The following ZNF518A variants were observed in gnomAD, a reference collection of about 807,000 sequenced individuals.
The protein encoded by ZNF518A is zinc finger protein 518A, also known as zinc finger protein 518.
A neutral mutation model predicts 102.7 loss-of-function variants in ZNF518A; 47 were observed. The observed-to-expected ratio is 0.46, with a 90% CI of 0.36 to 0.58. ZNF518A has a LOEUF of 0.58. ZNF518A is among the 20% of genes least tolerant of loss of function. The pLI, the probability that ZNF518A is intolerant of heterozygous loss-of-function variation, is 0.00. For synonymous variants in ZNF518A, 652 were observed against 594.6 expected, an observed-to-expected ratio of 1.10 and a Z score of -1.40; for missense variants, 1,793 against 1,699.8, an observed-to-expected ratio of 1.05 and a Z score of -0.96.
chr10:96,200,905 G>T lies in ZNF518A; in HGVS notation n.36-2669G>T, dbSNP rs2083614644. ...TCTGTTCTCAAGGTTCACTCCAAATGTCTTCTTCTCAGAAGACATGCTCTT... is the reference window on the plus strand; with the variant it reads ...TCTGTTCTCAAGGTTCACTCCAAATTTCTTCTTCTCAGAAGACATGCTCTT... On this transcript the variant is annotated intron_variant and non_coding_transcript_variant, in intron 1 of 2. Transcript: ENST00000442635. This position sits in a 1 kb window ranked among gnomAD's most constrained non-coding sequence, Gnocchi z 4.3. 4 of 1,305,710 alleles carry T rather than the reference G, an allele frequency of 3.1e-6. No homozygotes were observed. The highest frequency in any genetic ancestry group is 4.4e-6 in the Non-Finnish European group (4 of 899,386). 80.9% of individuals were successfully genotyped at this position (1,305,710 alleles called of 1,614,324 possible).
chr10:96,194,409 G>A (rs982842716), intron 1 of ZNF518A, among the ~76,000 whole-genome samples: 1 of 152,184 alleles, frequency 6.6e-6, no homozygotes, highest in Non-Finnish European at 1.5e-5. Context: ...AGAAGAAAAT[G>A]TAGGGGGGAA....
chr10:96,173,764 T>C (rs1334080813), intron 1 of ZNF518A, among the ~76,000 whole-genome samples: 2 of 152,088 alleles, frequency 1.3e-5, no homozygotes, highest in Non-Finnish European at 2.9e-5. Context: ...TGAACAGCAC[T>C]ACAAACTAGA....
At chr10:96,185,908 C>T (rs1438428438) in intron 1 of ZNF518A, among the ~76,000 whole-genome samples, 2 of 152,242 alleles carry the variant, frequency 1.3e-5, no homozygotes, top group African/African-American at 4.8e-5. Flanking sequence ...CTTCATTTAC[C>T]TATTCAAGCC....
intron 3 of ZNF518A, among the ~76,000 whole-genome samples, chr10:96,150,708 CTT>C (rs797029835): frequency 4.4e-5 from 2 of 45,736 alleles, no homozygotes; most frequent in African/African-American, 8.2e-5. Flanking sequence ...TTTAAGTTTT[CTT>C]TTTTTTTTTA....
At chr10:96,146,110 TC>T (rs1475137348) in intron 3 of ZNF518A, among the ~76,000 whole-genome samples, 1 of 152,236 alleles carries the variant, frequency 6.6e-6, no homozygotes, top group Non-Finnish European at 1.5e-5. Context: ...TATTTTTTTT[TC>T]ACTTAAGGTA....
rs189445154 is a variant in ZNF518A, at chr10:96,130,376, T to A, written c.-829T>A. ...GCCGACTGCTAGAGCTTACCCTTACTTTCTTAACCTGGGGTTGTTTTACTT... is the reference window on the plus strand; with the variant it reads ...GCCGACTGCTAGAGCTTACCCTTACATTCTTAACCTGGGGTTGTTTTACTT... On this transcript the variant is annotated 5_prime_UTR_variant, in exon 1 of 6. Transcript: ENST00000316045. 7.9e-5 allele frequency among the ~76,000 whole-genome samples: 12 copies of A among 152,350 alleles called. No individual in the cohort carries two copies. The East Asian group carries it at 2.1e-3, about 27-fold the overall frequency.
At position 96,156,542 on chromosome 10, in the gene ZNF518A, T is replaced by C. The variant is rs782032265; in HGVS notation, c.220T>C (p.Phe74Leu). Reference protein sequence around the residue: ...KHEVDKYRKLFQSKQQTARKS... With the variant: ...KHEVDKYRKLLQSKQQTARKS... ...TGAAGTTGACAAATACAGAAAATTATTTCAGAGTAAACAGCAGACTGCAAG... is the reference window on the plus strand; with the variant it reads ...TGAAGTTGACAAATACAGAAAATTACTTCAGAGTAAACAGCAGACTGCAAG... Residue 74 changes from phenylalanine to leucine, a missense_variant, in exon 6 of 6, where the codon TTT becomes CTT. Phe to Leu is a conservative substitution (Grantham distance 22). Around this residue, in one of 3 missense-constraint regions of ZNF518A, gnomAD observed 1,741 missense variants for 1,622.6 expected, o/e 1.07. Coordinates refer to ENST00000316045, the MANE Select transcript of ZNF518A (RefSeq NM_001330736.2). The C allele has an allele frequency of 8.1e-6, 13 of 1,612,338 alleles. No homozygotes were observed. Among genetic ancestry groups the C allele is most frequent in the Non-Finnish European group, 1.1e-5 (13 of 1,179,342 alleles).
intron 3 of ZNF518A, among the ~76,000 whole-genome samples, chr10:96,138,079 T>G (rs992242095): frequency 6.6e-6 from 1 of 152,218 alleles, no homozygotes; most frequent in Non-Finnish European, 1.5e-5. Flanking sequence ...CTTCAAAATA[T>G]ATTCAATCTG....
intron 1 of ZNF518A, among the ~76,000 whole-genome samples, chr10:96,197,646 A>G (rs958429122): frequency 2.0e-5 from 3 of 152,214 alleles, no homozygotes; most frequent in Non-Finnish European, 4.4e-5. Flanking sequence ...CTATAAGAAG[A>G]AAACAGAGGT....
At chr10:96,190,146 G>A (rs782642007) in intron 1 of ZNF518A, 4 of 971,378 alleles carry the variant, frequency 4.1e-6, no homozygotes, top group East Asian at 2.4e-5. Context: ...CATCTTTGTC[G>A]GCCTTTAGTT....
At chr10:96,136,721 G>A (rs1014644698) in intron 3 of ZNF518A, among the ~76,000 whole-genome samples, 4 of 152,022 alleles carry the variant, frequency 2.6e-5, no homozygotes, top group African/African-American at 7.2e-5. Context: ...CTCATAGAAC[G>A]TTCATTTTGG....
intron 3 of ZNF518A, among the ~76,000 whole-genome samples, chr10:96,144,338 T>A (rs1270684804): frequency 6.6e-6 from 1 of 152,166 alleles, no homozygotes; most frequent in Non-Finnish European, 1.5e-5. Context: ...TAAATACTGT[T>A]CCAAGTCAAT....
chr10:96,190,987 A>G (rs1554893241), intron 1 of ZNF518A, among the ~76,000 whole-genome samples: 1 of 152,150 alleles, frequency 6.6e-6, no homozygotes, highest in African/African-American at 2.4e-5. Flanking sequence ...CTTGAATTGT[A>G]GCTCCCATAA....
intron 3 of ZNF518A, among the ~76,000 whole-genome samples, chr10:96,154,398 C>T (rs140487388): frequency 9.0e-4 from 136 of 151,948 alleles, no homozygotes; most frequent in African/African-American, 3.0e-3. Context: ...TTCCTTCTTT[C>T]GTTTCTTTCT....
At chr10:96,172,079 A>G (rs1262464803) in intron 1 of ZNF518A, among the ~76,000 whole-genome samples, 2 of 152,138 alleles carry the variant, frequency 1.3e-5, no homozygotes, top group African/African-American at 4.8e-5. Flanking sequence ...ATGAGAATTC[A>G]TTTGTTGCAA....
chr10:96,196,783 T>G, intron 1 of ZNF518A: 1 of 934,454 alleles, frequency 1.1e-6, no homozygotes. Flanking sequence ...TCTATGACAT[T>G]TATGCAAGCA....
At chr10:96,198,317 G>T (rs1554895204) in intron 1 of ZNF518A, among the ~76,000 whole-genome samples, 1 of 152,178 alleles carries the variant, frequency 6.6e-6, no homozygotes, top group Non-Finnish European at 1.5e-5. Flanking sequence ...AGTGCTTGCA[G>T]AAGAAAAACA....
At position 96,131,333 on chromosome 10, in the gene ZNF518A, T is replaced by G. The variant is rs781903368; in HGVS notation, c.-453+581T>G. 2.0e-4 allele frequency among the ~76,000 whole-genome samples: 30 copies of G among 152,356 alleles called. 1 individual carries two copies. The highest frequency in any genetic ancestry group is 6.8e-3 in the Middle Eastern group (2 of 294). The stretch of plus-strand genomic sequence containing the variant: ...AAGGTTGATATCCTCAGGTTTAATT[T>G]AAAACATTTAAATTGATTCAGTGAA... On this transcript the variant is annotated intron_variant, in intron 1 of 5. Coordinates refer to ENST00000316045, the MANE Select transcript of ZNF518A (RefSeq NM_001330736.2).
At chr10:96,152,340 G>A (rs1223344598) in intron 3 of ZNF518A, among the ~76,000 whole-genome samples, 1 of 152,170 alleles carries the variant, frequency 6.6e-6, no homozygotes, top group African/African-American at 2.4e-5. Flanking sequence ...AGCAATCTTT[G>A]TTGGTGGGTA....
Sources: allele counts gnomAD v4.1 joint callset (sites outside exome capture counted in the v4.1 genomes callset), GRCh38; gene constraint gnomAD v4.1.1; regional missense constraint gnomAD v4.1.1; non-coding constraint Gnocchi (gnomAD v3.1); transcripts MANE v1.5; gene names NCBI Gene and HGNC (gene_info 2026-07-23, HGNC 2026-07-21).